The following MARCKSL1 variants were observed in gnomAD, a reference collection of about 807,000 sequenced individuals.
MARCKSL1 encodes MARCKS like 1, also known as MARCKS-related protein.
Under a neutral mutation model 13.3 loss-of-function variants are expected in MARCKSL1, and 5 were observed. The observed-to-expected ratio is 0.38, with a 90% CI of 0.20 to 0.79. The LOEUF is 0.79. Ranked by LOEUF, MARCKSL1 falls within the 30% of genes least tolerant of loss-of-function variation. The pLI, the probability that MARCKSL1 is intolerant of heterozygous loss-of-function variation, is 0.45. For synonymous variants in MARCKSL1, 126 were observed against 103.2 expected (o/e 1.22, Z -1.34); for missense variants, 274 against 251.6 (o/e 1.09, Z -0.60).
rs1474264042 is a variant in MARCKSL1 at position 32,335,518 on chromosome 1, AC to A, written c.88-422del. 2.1e-5 allele frequency among the ~76,000 whole-genome samples: 3 copies of A among 141,256 alleles called. No homozygotes were observed. The highest frequency in any genetic ancestry group is 8.0e-5 in the African/African-American group (3 of 37,730). The allele number at this position is 141,256 out of a possible 152,430, so 92.7% of individuals were successfully genotyped here. On this transcript the variant is annotated intron_variant, in intron 1 of 1. Transcript: ENST00000329421. This position sits in a 1 kb window ranked among gnomAD's most constrained non-coding sequence, Gnocchi z 4.1. ...CTCCCGCTTTGTGTAAGTGGCCCCC[AC>A]CCACCCCAGGCTCTCCCGCATCTCG...
In MARCKSL1 at chr1:32,334,858, C is replaced by G. The variant is rs1347864266; in HGVS notation, c.327G>C (p.Arg109=). The part of the protein sequence containing the change: ...KLSGLSFKRN[R]KEGGGDSSAS... ...CAGAAGAATCACCCCCACCCTCCTT[C>G]CGATTTCTCTTGAAGGACAGGCCGC... The change falls in exon 2 of 2, where the codon CGG becomes CGC. Residue 109 remains arginine (R), a synonymous_variant. Transcript: ENST00000329421. 1 of 1,612,568 alleles carries G rather than the reference C, an allele frequency of 6.2e-7. No homozygotes were observed. Among genetic ancestry groups the G allele is most frequent in the Admixed American group, 1.7e-5 (1 of 60,020 alleles).
Position 32,334,403 on chromosome 1 carries a change from T to C in MARCKSL1, c.*194A>G, listed in dbSNP as rs1641347670. 1 of 566,588 alleles carries C rather than the reference T, an allele frequency of 1.8e-6. No homozygotes were observed. Among genetic ancestry groups the C allele is most frequent in the African/African-American group, 1.9e-5 (1 of 52,056 alleles). The allele number at this position is 566,588 out of a possible 1,614,324, so 35.1% of individuals were successfully genotyped here. A position where few individuals can be genotyped will look rare whatever the true frequency, so the allele number is the denominator to read the frequency against. ...TGTAAGGGACCATCTTCAACTGGCCTTAAGAGGAGAACCAGATGGCTGATG... is the reference window on the plus strand; with the variant it reads ...TGTAAGGGACCATCTTCAACTGGCCCTAAGAGGAGAACCAGATGGCTGATG... On this transcript the variant is annotated 3_prime_UTR_variant, in exon 2 of 2. Transcript: ENST00000329421.
chr1:32,334,667 G>A lies in MARCKSL1; in HGVS notation c.518C>T (p.Ala173Val). ...AASEEEAGPQATEPSTPSGPE... is the reference protein window; with the variant it reads ...AASEEEAGPQVTEPSTPSGPE... The stretch of plus-strand genomic sequence containing the variant: ...CCCCGAGGGAGTGGATGGCTCTGTA[G>A]CCTGGGGCCCTGCCTCTTCTTCTGA... The change falls in exon 2 of 2, where the codon GCT (alanine) becomes GTT (valine). Residue 173 changes from alanine to valine, a missense_variant. Transcript: ENST00000329421. 1 of 1,611,628 alleles carries A rather than the reference G, an allele frequency of 6.2e-7. No homozygotes were observed. The highest frequency in any genetic ancestry group is 1.7e-5 in the Admixed American group (1 of 59,836).
Position 32,335,116 on chromosome 1 carries a change from A to G in MARCKSL1, c.88-19T>C. On this transcript the variant is annotated intron_variant, in intron 1 of 1. Transcript: ENST00000329421. This position sits in a 1 kb window ranked among gnomAD's most constrained non-coding sequence, Gnocchi z 4.1. ...CATTCTCCTGCAGGGCAGAGGGAAT[A>G]GCAATGAGGGCAGGGGCTCCCCCTC... is the stretch of plus-strand genomic sequence containing the variant. The G allele has an allele frequency of 6.6e-7, 1 of 1,514,690 alleles. No homozygotes were observed. The highest frequency in any genetic ancestry group is 8.8e-7 in the Non-Finnish European group (1 of 1,132,884). The allele number at this position is 1,514,690 out of a possible 1,614,324, so 93.8% of individuals were successfully genotyped here. A position where few individuals can be genotyped will look rare whatever the true frequency, so the allele number is the denominator to read the frequency against.
Sources: allele counts gnomAD v4.1 joint callset (sites outside exome capture counted in the v4.1 genomes callset), GRCh38; gene constraint gnomAD v4.1.1; non-coding constraint Gnocchi (gnomAD v3.1); transcripts MANE v1.5; gene names NCBI Gene and HGNC (gene_info 2026-07-23, HGNC 2026-07-21).